The following MYO7A variants were observed in gnomAD, a reference collection of about 807,000 sequenced individuals.
MYO7A encodes the protein unconventional myosin-VIIa.
A neutral mutation model predicts 263.8 loss-of-function variants in MYO7A; 210 were observed. The observed-to-expected ratio is 0.80, with a 90% CI of 0.71 to 0.89. The LOEUF is 0.89. MYO7A is among the 40% of genes least tolerant of loss of function. The pLI is 0.00. For synonymous variants in MYO7A, 1,239 were observed against 1,197.3 expected, an observed-to-expected ratio of 1.03 and a Z score of -0.72; for missense variants, 2,820 against 2,968.3, an observed-to-expected ratio of 0.95 and a Z score of 1.16.
intron 4 of MYO7A, among the ~76,000 whole-genome samples, chr11:77,152,982 G>A (rs1284511258): frequency 1.3e-5 from 2 of 152,310 alleles, no homozygotes; most frequent in Non-Finnish European, 1.5e-5. Context: ...AGGTTGACGA[G>A]GGTGGCAGGA....
rs1958047290 is a variant in MYO7A at position 77,214,657 on chromosome 11, A to G, written c.6609A>G (p.Thr2203=). Reference sequence around the variant, plus strand: ...CTTCCTACATTAGCCAGATGCTCACAGCCATGAGCAAACAGCGGGGCTCCA... The same window carrying G: ...CTTCCTACATTAGCCAGATGCTCACGGCCATGAGCAAACAGCGGGGCTCCA... ...LLTSYISQML[T]AMSKQRGSRS... is the part of the protein sequence containing the mutation. Residue 2203 remains threonine (T), a synonymous_variant, in exon 49 of 49, where the codon ACA becomes ACG. Coordinates refer to ENST00000409709, the MANE Select transcript of MYO7A (RefSeq NM_000260.4). 6.3e-7 allele frequency: 1 copy of G among 1,586,214 alleles called. No individual in the cohort carries two copies. Among genetic ancestry groups the G allele is most frequent in the African/African-American group, 1.4e-5 (1 of 71,982 alleles).
chr11:77,140,550 AGGCCCGCTCTGGGCTG>A (rs1301648972), intron 2 of MYO7A, among the ~76,000 whole-genome samples: 96 of 152,314 alleles, frequency 6.3e-4, no homozygotes, highest in African/African-American at 2.1e-3. Flanking sequence ...TCTCTCACCG[AGGCCCGCTCTGGGCTG>A]GGCTCTGGGG....
intron 15 of MYO7A, 118 bp from the exon 16 acceptor site, chr11:77,172,630 G>T: frequency 4.5e-6 from 6 of 1,334,474 alleles, no homozygotes; most frequent in Non-Finnish European, 6.2e-6. Context: ...TTCAAATACC[G>T]CCCTGTCCCT....
At chr11:77,145,264 C>T (rs1190102021) in intron 3 of MYO7A, among the ~76,000 whole-genome samples, 1 of 152,210 alleles carries the variant, frequency 6.6e-6, no homozygotes, top group Non-Finnish European at 1.5e-5. Context: ...CTCTACAGAC[C>T]TGGCAGGAGA....
At chr11:77,211,399 G>A (rs1344951238) in intron 45 of MYO7A, 62 bp downstream of exon 45, 4 of 1,493,530 alleles carry the variant, frequency 2.7e-6, no homozygotes, top group African/African-American at 2.8e-5. Context: ...GCACCCCAGG[G>A]GCCAAGGGGG....
At chr11:77,167,322 G>A (rs568092126) in intron 15 of MYO7A, among the ~76,000 whole-genome samples, 9 of 152,212 alleles carry the variant, frequency 5.9e-5, no homozygotes, top group South Asian at 2.1e-4. Context: ...GTCAATCCCC[G>A]GTCCTTCCAC....
intron 15 of MYO7A, among the ~76,000 whole-genome samples, chr11:77,172,322 G>A (rs1389888216): frequency 6.6e-6 from 1 of 152,200 alleles, no homozygotes; most frequent in African/African-American, 2.4e-5. Flanking sequence ...TTGAATCTAG[G>A]TTCGTCTAAC....
rs561347333 is a variant in MYO7A at position 77,179,778 on chromosome 11, G to A, written c.2411G>A (p.Arg804Gln). The A allele has an allele frequency of 6.0e-5, 93 of 1,551,600 alleles. No individual in the cohort carries two copies. The highest frequency in any genetic ancestry group is 2.7e-4 in the East Asian group (11 of 41,270). Reference sequence around the variant, plus strand: ...CGGCTGCAGGCCCTGCACCGCTCCCGGAAGCTGCACCAGCAGTACCGCCTG... The same window carrying A: ...CGGCTGCAGGCCCTGCACCGCTCCCAGAAGCTGCACCAGCAGTACCGCCTG... ...FLRLQALHRS[R>Q]KLHQQYRLAR... Residue 804 changes from arginine (R) to glutamine (Q), a missense_variant, in exon 21 of 49, where the codon CGG becomes CAG. Transcript: ENST00000409709.
At chr11:77,198,327 C>CACG (rs1956819935) in intron 33 of MYO7A, among the ~76,000 whole-genome samples, 168 bp from the exon 34 acceptor site, 1 of 152,228 alleles carries the variant, frequency 6.6e-6, no homozygotes, top group Non-Finnish European at 1.5e-5. Context: ...TCTCTTCCTA[C>CACG]TGCACTTTGG....
At chr11:77,183,037 C>T in intron 25 of MYO7A, 31 bp from the exon 26 acceptor site, 1 of 1,538,014 alleles carries the variant, frequency 6.5e-7, no homozygotes, top group Non-Finnish European at 8.8e-7. Flanking sequence ...TCTGCTCAGC[C>T]ACTTGACCCT....
intron 1 of MYO7A, among the ~76,000 whole-genome samples, 161 bp downstream of exon 1, chr11:77,128,650 A>C (rs1179753048): frequency 6.6e-6 from 1 of 152,184 alleles, no homozygotes; most frequent in Non-Finnish European, 1.5e-5. Flanking sequence ...CCACTGAATG[A>C]AACTGTCCCG....
chr11:77,193,536 G>A (rs1335108229), intron 31 of MYO7A, among the ~76,000 whole-genome samples: 2 of 152,004 alleles, frequency 1.3e-5, no homozygotes, highest in Admixed American at 1.3e-4. Context: ...CAGTGATGGT[G>A]GTGATGGTGG....
Position 77,181,465 on chromosome 11 carries a change from A to G in MYO7A, c.2780A>G (p.Glu927Gly). Residue 927 changes from glutamate (E) to glycine (G), a missense_variant, in exon 23 of 49, where the codon GAG becomes GGG. Coordinates refer to ENST00000409709, the MANE Select transcript of MYO7A (RefSeq NM_000260.4). ...EAARRKKELL[E>G]QMERARHEPV... ...GCTCGGCGGAAGAAGGAGCTCCTGG[A>G]GCAGATGGAAAGGGCCCGCCATGAG... 1.9e-6 allele frequency: 3 copies of G among 1,611,642 alleles called. No homozygotes were observed. Among genetic ancestry groups the G allele is most frequent in the Non-Finnish European group, 2.5e-6 (3 of 1,179,274 alleles).
At chr11:77,202,274 T>G in intron 36 of MYO7A, 26 bp from the exon 37 acceptor site, 1 of 1,567,838 alleles carries the variant, frequency 6.4e-7, no homozygotes, top group Non-Finnish European at 8.7e-7. Context: ...AGAGCTGACC[T>G]GAGCCCCCTG....
chr11:77,189,699 C>T (rs538090745), intron 28 of MYO7A, among the ~76,000 whole-genome samples: 16 of 152,350 alleles, frequency 1.1e-4, no homozygotes, highest in African/African-American at 3.8e-4. Context: ...CTGACAGGAG[C>T]GTGTCCCAGG....
At chr11:77,206,418 T>A (rs1389649343) in intron 41 of MYO7A, among the ~76,000 whole-genome samples, 1 of 152,188 alleles carries the variant, frequency 6.6e-6, no homozygotes, top group Admixed American at 6.5e-5. Context: ...CTGGAGCAGC[T>A]TCCTTCAGAA....
chr11:77,149,461 C>T (rs1210047783), intron 4 of MYO7A, among the ~76,000 whole-genome samples: 1 of 152,256 alleles, frequency 6.6e-6, no homozygotes, highest in South Asian at 2.1e-4. Flanking sequence ...TGCTGGCAAG[C>T]GATCGGCAGG....
intron 46 of MYO7A, 186 bp from the exon 47 acceptor site, chr11:77,212,766 A>G: frequency 1.6e-6 from 1 of 613,280 alleles, no homozygotes; most frequent in South Asian, 2.0e-5. Flanking sequence ...GGACCCAGGA[A>G]GGGATGTGGG....
At chr11:77,180,015 C>T in intron 21 of MYO7A, 62 bp downstream of exon 21, 1 of 1,454,866 alleles carries the variant, frequency 6.9e-7, no homozygotes, top group Non-Finnish European at 9.2e-7. Flanking sequence ...GTCCATGCAT[C>T]ACCCTCAGGT....
Sources: allele counts gnomAD v4.1 joint callset (sites outside exome capture counted in the v4.1 genomes callset), GRCh38; gene constraint gnomAD v4.1.1; transcripts MANE v1.5; gene names NCBI Gene and HGNC (gene_info 2026-07-23, HGNC 2026-07-21).